The following RAB3C variants were observed in gnomAD, a reference collection of about 807,000 sequenced individuals.
RAB3C encodes the protein RAB3C, member RAS oncogene family.
In RAB3C, 17 loss-of-function variants were observed where a neutral mutation model predicts 26.4. The ratio of observed to expected loss-of-function variants is 0.64; its 90% CI spans 0.44 to 0.97. RAB3C has a LOEUF of 0.97. RAB3C is among the 50% of genes least tolerant of loss of function. The pLI, the probability that RAB3C is intolerant of heterozygous loss-of-function variation, is 0.00. For missense variants in RAB3C, 242 were observed against 281.9 expected (o/e 0.86, Z 1.01); for synonymous variants, 91 against 95.9 (o/e 0.95, Z 0.30).
At chr5:58,740,274 C>A (rs1341881694) in intron 3 of RAB3C, among the ~76,000 whole-genome samples, 1 of 152,114 alleles carries the variant, frequency 6.6e-6, no homozygotes, top group South Asian at 2.1e-4. Flanking sequence ...CTGAATGAGG[C>A]CCTTTCTTAA....
At chr5:58,742,198 A>C (rs1741289945) in intron 3 of RAB3C, among the ~76,000 whole-genome samples, 1 of 151,152 alleles carries the variant, frequency 6.6e-6, no homozygotes, top group South Asian at 2.1e-4. Context: ...TCCCCTTGAC[A>C]TTCCTTCCTT....
intron 3 of RAB3C, among the ~76,000 whole-genome samples, chr5:58,776,778 T>C (rs1742151846): frequency 6.6e-6 from 1 of 152,090 alleles, no homozygotes; most frequent in Admixed American, 6.6e-5. Flanking sequence ...GGTTCCGCTC[T>C]ATACACATTT....
chr5:58,737,421 ATATATATATATATATATATATATATAT>A lies in RAB3C; in HGVS notation c.371+11302_371+11328del, dbSNP rs1561305156. 1.4e-3 allele frequency among the ~76,000 whole-genome samples: 145 copies of A among 106,530 alleles called. 2 individuals are homozygous for A. Among genetic ancestry groups the A allele is most frequent in the Admixed American group, 3.5e-3 (35 of 10,032 alleles). 69.9% of individuals were successfully genotyped at this position (106,530 alleles called of 152,430 possible). The stretch of plus-strand genomic sequence containing the variant: ...TATATATATATATATATATATATAT[ATATATATATATATATATATATATATAT>A]AATTTACTTGTTTACTGTGTTTATT... On this transcript the variant is annotated intron_variant, in intron 3 of 4. Transcript: ENST00000282878.
chr5:58,582,897 T>A (rs754024314), upstream of RAB3C: 1 of 478,792 alleles, frequency 2.1e-6, no homozygotes, highest in Non-Finnish European at 3.5e-6. Flanking sequence ...GTAGGGAGGC[T>A]CCGCGGCCGA....
chr5:58,660,032 T>TTAGG (rs1561281603), intron 2 of RAB3C, among the ~76,000 whole-genome samples: 23 of 149,436 alleles, frequency 1.5e-4, no homozygotes, highest in African/African-American at 5.9e-4. Flanking sequence ...CTTGAATTCT[T>TTAGG]GAACTCAAGC....
intron 2 of RAB3C, among the ~76,000 whole-genome samples, chr5:58,659,868 A>G (rs1345704698): frequency 6.6e-6 from 1 of 152,168 alleles, no homozygotes; most frequent in African/African-American, 2.4e-5. Context: ...CAGTGACATG[A>G]TCTCGGCTCA....
chr5:58,761,047 T>C (rs1432403898), intron 3 of RAB3C, among the ~76,000 whole-genome samples: 2 of 138,166 alleles, frequency 1.4e-5, no homozygotes, highest in East Asian at 2.2e-4. Flanking sequence ...TCTCTCTCTC[T>C]CCCTCTCTCT....
chr5:58,597,794 A>G (rs1416354813), intron 1 of RAB3C, among the ~76,000 whole-genome samples: 3 of 86,500 alleles, frequency 3.5e-5, no homozygotes, highest in South Asian at 4.2e-4. Flanking sequence ...ATAAGTATAT[A>G]ACATGTAATA....
intron 1 of RAB3C, among the ~76,000 whole-genome samples, chr5:58,615,739 G>A (rs957696230): frequency 6.6e-5 from 10 of 152,118 alleles, no homozygotes; most frequent in African/African-American, 2.4e-4. Context: ...TTGTGTGGCT[G>A]TATAGACTTA....
chr5:58,615,185 A>G (rs933407970), intron 1 of RAB3C, among the ~76,000 whole-genome samples: 1 of 152,116 alleles, frequency 6.6e-6, no homozygotes, highest in Non-Finnish European at 1.5e-5. Flanking sequence ...CTTTTGAGGT[A>G]TCCTAGAGAT....
At chr5:58,760,670 T>C (rs1030273411) in intron 3 of RAB3C, among the ~76,000 whole-genome samples, 5 of 152,212 alleles carry the variant, frequency 3.3e-5, no homozygotes, top group Non-Finnish European at 7.3e-5. Context: ...TCAGCTAATG[T>C]ACTCTGATAA....
intron 1 of RAB3C, among the ~76,000 whole-genome samples, chr5:58,598,485 A>G (rs948802343): frequency 6.6e-6 from 1 of 152,042 alleles, no homozygotes; most frequent in South Asian, 2.1e-4. Context: ...TAGTCTAGAC[A>G]TGAAACTCAG....
chr5:58,808,643 T>G (rs966602709), intron 3 of RAB3C, among the ~76,000 whole-genome samples: 9 of 152,220 alleles, frequency 5.9e-5, no homozygotes, highest in South Asian at 2.1e-4. Flanking sequence ...ATAGAATTAC[T>G]TAGAAGGGAT....
chr5:58,638,009 G>T (rs1019991175), intron 2 of RAB3C, among the ~76,000 whole-genome samples: 2 of 151,796 alleles, frequency 1.3e-5, no homozygotes, highest in Non-Finnish European at 2.9e-5. Flanking sequence ...CTTTTTTCCT[G>T]ATTATTTTTG....
intron 1 of RAB3C, among the ~76,000 whole-genome samples, chr5:58,596,521 C>CAT (rs1392188000): frequency 7.8e-6 from 1 of 127,598 alleles, no homozygotes; most frequent in Non-Finnish European, 1.6e-5. Context: ...CTATATAATA[C>CAT]ATATTATATA....
chr5:58,586,340 C>T (rs1464655668), intron 1 of RAB3C, among the ~76,000 whole-genome samples: 3 of 152,020 alleles, frequency 2.0e-5, no homozygotes, highest in Admixed American at 6.6e-5. Context: ...GGAAAACCCA[C>T]GTTCTTTCCT....
chr5:58,789,739 G>C (rs548445826), intron 3 of RAB3C, among the ~76,000 whole-genome samples: 1 of 152,276 alleles, frequency 6.6e-6, no homozygotes, highest in East Asian at 1.9e-4. Flanking sequence ...GAATAAGTGA[G>C]AAAAGGAACA....
chr5:58,669,448 C>T (rs1207812971), intron 2 of RAB3C, among the ~76,000 whole-genome samples: 1 of 152,072 alleles, frequency 6.6e-6, no homozygotes, highest in Non-Finnish European at 1.5e-5. Context: ...ATGGGCTAAG[C>T]TTACATCCAA....
At chr5:58,641,860 T>TA (rs1271300967) in intron 2 of RAB3C, among the ~76,000 whole-genome samples, 2 of 152,190 alleles carry the variant, frequency 1.3e-5, no homozygotes, top group African/African-American at 2.4e-5. Flanking sequence ...CTTTTTGTTT[T>TA]AAAAAAGAGT....
Sources: gnomAD v4.1 joint callset for allele counts (sites outside exome capture counted in the v4.1 genomes callset) on GRCh38, gnomAD v4.1.1 for gene constraint, MANE v1.5 for transcripts, NCBI Gene and HGNC (gene_info 2026-07-23, HGNC 2026-07-21) for gene names.